Variants in NAV3 observed in about 807,000 individuals in gnomAD.
The protein encoded by NAV3 is pore membrane and/or filament interacting like protein 1.
NAV3 carries 87 observed loss-of-function variants against 244.7 expected under a neutral mutation model. The ratio of observed to expected loss-of-function variants is 0.36; its 90% CI spans 0.30 to 0.42. The LOEUF (loss-of-function observed/expected upper bound fraction) is 0.42. Among genes scored for constraint, NAV3 ranks in the 20% least tolerant of loss-of-function variants. The pLI, the probability that NAV3 is intolerant of heterozygous loss-of-function variation, is 1.00. For synonymous variants in NAV3, 1,126 were observed against 1,042.2 expected (o/e 1.08, Z -1.55); for missense variants, 2,663 against 2,893.3 (o/e 0.92, Z 1.83).
chr12:77,703,157 G>T (rs561574011), intron 2 of NAV3, among the ~76,000 whole-genome samples: 1 of 152,098 alleles, frequency 6.6e-6, no homozygotes, highest in Non-Finnish European at 1.5e-5. Flanking sequence ...CTTTATCTCA[G>T]AGTTTTCTCA....
chr12:78,112,301 G>C (rs1955137481), intron 12 of NAV3, among the ~76,000 whole-genome samples: 1 of 152,178 alleles, frequency 6.6e-6, no homozygotes, highest in South Asian at 2.1e-4. Context: ...GCATGCTATA[G>C]GTGTTCGTAA....
At position 77,687,423 on chromosome 12, in the gene NAV3, A is replaced by C. The variant is rs189891064; in HGVS notation, c.72+115157A>C. ...TTCATCAGTGAGTCCTTAAGTATAC[A>C]CTTGATTTTTCCTCCTCTGGGTCCA... On this transcript the variant is annotated intron_variant, in intron 2 of 8. Transcript: ENST00000550042. Among the ~76,000 whole-genome samples the C allele has an allele frequency of 7.2e-5, 11 of 152,150 alleles. No homozygotes were observed. In the East Asian group the frequency reaches 1.9e-3, roughly 27 times the overall value.
At chr12:78,150,601 T>C (rs1459936044) in intron 22 of NAV3, among the ~76,000 whole-genome samples, 1 of 151,152 alleles carries the variant, frequency 6.6e-6, no homozygotes, top group East Asian at 2.0e-4. Context: ...AATGTGTATA[T>C]ATACTTAATA....
chr12:78,010,398 T>A (rs897304399), intron 8 of NAV3, among the ~76,000 whole-genome samples: 1 of 152,182 alleles, frequency 6.6e-6, no homozygotes, highest in East Asian at 1.9e-4. Flanking sequence ...GTATTATCAT[T>A]TGTTGAGTGC....
At chr12:78,055,570 G>A (rs1047952223) in intron 11 of NAV3, among the ~76,000 whole-genome samples, 2 of 152,208 alleles carry the variant, frequency 1.3e-5, no homozygotes, top group South Asian at 2.1e-4. Flanking sequence ...CCTGGGGAAT[G>A]CACTCCATGT....
intron 2 of NAV3, among the ~76,000 whole-genome samples, chr12:77,782,611 A>G (rs1387788546): frequency 6.6e-6 from 1 of 152,166 alleles, no homozygotes; most frequent in African/African-American, 2.4e-5. Flanking sequence ...CTTACTTTGC[A>G]CAGAGGCACA....
intron 2 of NAV3, among the ~76,000 whole-genome samples, chr12:77,677,870 G>A (rs950104204): frequency 6.6e-5 from 10 of 152,244 alleles, no homozygotes; most frequent in Non-Finnish European, 1.2e-4. Context: ...AAAAATTCAA[G>A]ACATTGCTGA....
At chr12:77,986,598 C>A (rs750026866) in intron 5 of NAV3, among the ~76,000 whole-genome samples, 1 of 151,892 alleles carries the variant, frequency 6.6e-6, no homozygotes, top group African/African-American at 2.4e-5. Context: ...AAATTTGATT[C>A]TTGAGGTTGA....
chr12:77,944,304 T>G (rs920994987), intron 3 of NAV3, among the ~76,000 whole-genome samples: 6 of 152,108 alleles, frequency 3.9e-5, no homozygotes, highest in African/African-American at 1.4e-4. Context: ...ATATAAATAC[T>G]TTAAAAGATC....
chr12:77,674,833 A>G (rs1231513804), intron 2 of NAV3, among the ~76,000 whole-genome samples: 1 of 152,172 alleles, frequency 6.6e-6, no homozygotes, highest in Admixed American at 6.5e-5. Flanking sequence ...ATCAGACCTG[A>G]CTTCTGTCTT....
chr12:77,922,369 G>A (rs1887795953), intron 1 of NAV3, among the ~76,000 whole-genome samples: 1 of 152,002 alleles, frequency 6.6e-6, no homozygotes, highest in South Asian at 2.1e-4. Flanking sequence ...GGTCATTCGG[G>A]CTCTTGTGAA....
intron 7 of NAV3, among the ~76,000 whole-genome samples, chr12:78,004,864 G>C (rs941243038): frequency 6.6e-6 from 1 of 152,192 alleles, no homozygotes; most frequent in Non-Finnish European, 1.5e-5. Flanking sequence ...TGATGTTACA[G>C]CTGCTGTTAT....
chr12:77,902,951 T>C (rs1195357604), intron 1 of NAV3, among the ~76,000 whole-genome samples: 1 of 152,160 alleles, frequency 6.6e-6, no homozygotes, highest in Non-Finnish European at 1.5e-5. Flanking sequence ...GTGAAGGAAC[T>C]CTTCAAGGAG....
At chr12:78,180,561 T>C (rs939985502) in intron 29 of NAV3, among the ~76,000 whole-genome samples, 6 of 152,088 alleles carry the variant, frequency 3.9e-5, no homozygotes, top group Admixed American at 3.3e-4. Flanking sequence ...GTGTTATGAA[T>C]GATTTCATCA....
At chr12:78,139,642 G>T (rs1243709970) in intron 19 of NAV3, among the ~76,000 whole-genome samples, 5 of 152,046 alleles carry the variant, frequency 3.3e-5, no homozygotes, top group Non-Finnish European at 7.4e-5. Context: ...AAAGCAGAAT[G>T]TCCAATGTTT....
intron 2 of NAV3, among the ~76,000 whole-genome samples, chr12:77,585,926 G>T (rs2136695128): frequency 6.6e-6 from 1 of 152,348 alleles, no homozygotes; most frequent in African/African-American, 2.4e-5. Flanking sequence ...ACTTTGGGAG[G>T]CCGAGGCAGA....
At chr12:78,006,383 C>T (rs756800604) in intron 7 of NAV3, 36 bp from the exon 8 acceptor site, 216 of 1,566,522 alleles carry the variant, frequency 1.4e-4, no homozygotes, top group Non-Finnish European at 1.8e-4. Flanking sequence ...CAAGATTAAT[C>T]GCCTTTTCTT....
At chr12:78,054,098 A>T (rs969823016) in intron 11 of NAV3, among the ~76,000 whole-genome samples, 1 of 152,252 alleles carries the variant, frequency 6.6e-6, no homozygotes, top group African/African-American at 2.4e-5. Flanking sequence ...ATGAGGAGAA[A>T]GTACTAAACC....
intron 2 of NAV3, among the ~76,000 whole-genome samples, chr12:77,766,086 C>T (rs150326082): frequency 7.8e-4 from 119 of 151,980 alleles, no homozygotes; most frequent in Admixed American, 1.6e-3. Flanking sequence ...AATTTCTTGA[C>T]GGAGAAGAGA....
Sources: allele counts gnomAD v4.1 joint callset (sites outside exome capture counted in the v4.1 genomes callset), GRCh38; gene constraint gnomAD v4.1.1; transcripts MANE v1.5; gene names NCBI Gene and HGNC (gene_info 2026-07-23, HGNC 2026-07-21).